ROBO1: variants seen among roughly 807,000 people sequenced by gnomAD.
ROBO1 encodes roundabout guidance receptor 1.
ROBO1 carries 149 observed loss-of-function variants against 195.9 expected under a neutral mutation model. The observed-to-expected ratio is 0.76, with a 90% CI of 0.67 to 0.87. The LOEUF (loss-of-function observed/expected upper bound fraction) is 0.87. ROBO1 is among the 40% of genes least tolerant of loss of function. The pLI is 0.00. For synonymous variants in ROBO1, 816 were observed against 733.2 expected (o/e 1.11, Z -1.82); for missense variants, 1,933 against 2,068.3 (o/e 0.93, Z 1.27).
chr3:79,052,553 C>A (rs1461224161), intron 3 of ROBO1, among the ~76,000 whole-genome samples: 1 of 152,074 alleles, frequency 6.6e-6, no homozygotes, highest in Non-Finnish European at 1.5e-5. Context: ...TTTTGAAACT[C>A]CTAATAGAAA....
At chr3:79,209,658 A>C (rs1166159821) in intron 2 of ROBO1, among the ~76,000 whole-genome samples, 1 of 152,116 alleles carries the variant, frequency 6.6e-6, no homozygotes, top group Non-Finnish European at 1.5e-5. Context: ...CATCCATGCC[A>C]ACATTGTTTT....
chr3:78,705,891 G>C (rs1317179335), intron 8 of ROBO1, among the ~76,000 whole-genome samples: 1 of 151,946 alleles, frequency 6.6e-6, no homozygotes, highest in Admixed American at 6.6e-5. Context: ...GGCAGATGGT[G>C]GGAATTCTTG....
intron 4 of ROBO1, among the ~76,000 whole-genome samples, chr3:78,811,728 T>C (rs185986699): frequency 1.6e-4 from 24 of 152,076 alleles, no homozygotes; most frequent in Non-Finnish European, 2.8e-4. Context: ...GGAACTAGTA[T>C]ACTGTGTCCG....
chr3:79,613,064 C>CA (rs1944713336), intron 1 of ROBO1, among the ~76,000 whole-genome samples: 1 of 151,592 alleles, frequency 6.6e-6, no homozygotes, highest in Non-Finnish European at 1.5e-5. Context: ...AGTATTATAA[C>CA]AAAAAATGCA....
intron 3 of ROBO1, among the ~76,000 whole-genome samples, chr3:79,061,491 G>GA (rs1159558831): frequency 6.6e-6 from 1 of 152,010 alleles, no homozygotes; most frequent in Non-Finnish European, 1.5e-5. Context: ...CACAGAATTG[G>GA]AAAAAACTAC....
At chr3:78,618,950 G>C (rs1303865949) in intron 26 of ROBO1, among the ~76,000 whole-genome samples, 2 of 152,268 alleles carry the variant, frequency 1.3e-5, no homozygotes, top group East Asian at 1.9e-4. Context: ...AGAAGGTATA[G>C]AGCATTTTGA....
intron 4 of ROBO1, among the ~76,000 whole-genome samples, chr3:78,750,946 T>C (rs114265553): frequency 3.9e-5 from 6 of 152,186 alleles, no homozygotes; most frequent in African/African-American, 1.4e-4. Context: ...TTTTTTGTTG[T>C]TTTGCTTGTT....
intron 4 of ROBO1, among the ~76,000 whole-genome samples, chr3:78,891,652 A>T (rs2107370429): frequency 6.6e-6 from 1 of 152,364 alleles, no homozygotes; most frequent in African/African-American, 2.4e-5. Flanking sequence ...ATGTGTTAGC[A>T]ACATATTCAT....
chr3:79,435,922 C>T (rs930874087), intron 2 of ROBO1, among the ~76,000 whole-genome samples: 6 of 152,028 alleles, frequency 3.9e-5, no homozygotes, highest in African/African-American at 2.4e-5. Flanking sequence ...CTTCAATTTT[C>T]CTATAAAAAG....
intron 1 of ROBO1, among the ~76,000 whole-genome samples, chr3:79,716,868 G>GA (rs1702509360): frequency 6.6e-6 from 1 of 151,914 alleles, no homozygotes; most frequent in African/African-American, 2.4e-5. Flanking sequence ...TGATAAGGGT[G>GA]AAAAAATCAG....
chr3:78,678,854 C>T (rs199776925), intron 10 of ROBO1, among the ~76,000 whole-genome samples: 5,589 of 152,058 alleles, frequency 0.037, 285 homozygotes, highest in African/African-American at 0.12. Flanking sequence ...ATACCAAAGC[C>T]GGGCAGAGAC....
At chr3:79,677,669 G>A (rs941473183) in intron 1 of ROBO1, among the ~76,000 whole-genome samples, 38 of 152,102 alleles carry the variant, frequency 2.5e-4, no homozygotes, top group African/African-American at 8.9e-4. Context: ...GCAACTGCAA[G>A]TGGTCTCTGT....
At chr3:79,698,598 T>G (rs773651245) in intron 1 of ROBO1, among the ~76,000 whole-genome samples, 1 of 151,618 alleles carries the variant, frequency 6.6e-6, no homozygotes, top group Non-Finnish European at 1.5e-5. Context: ...AATTTGCCTT[T>G]ATTTCCCTCC....
intron 3 of ROBO1, among the ~76,000 whole-genome samples, chr3:78,947,174 TAATAGAC>T (rs1306279785): frequency 6.6e-6 from 1 of 152,164 alleles, no homozygotes; most frequent in Non-Finnish European, 1.5e-5. Flanking sequence ...CAAGCGGACC[TAATAGAC>T]ATCTACAGAA....
At chr3:79,760,515 A>G (rs1704642123) in intron 1 of ROBO1, among the ~76,000 whole-genome samples, 1 of 145,664 alleles carries the variant, frequency 6.9e-6, no homozygotes. Flanking sequence ...AAAAAAAAAT[A>G]GAATCCAGGA....
In ROBO1 at chr3:78,938,758, G is replaced by A; in HGVS notation, c.342C>T (p.Asp114=). ...GGERVETDKD[D]PRSHRMLLPS... ...GCAGCAACATTCGGTGTGAGCGAGG[G>A]TCATCTTTGTCTGTCTCCACTCTCT... Residue 114 remains aspartate (D), a synonymous_variant, in exon 4 of 31, where the codon GAC becomes GAT. Transcript: ENST00000464233. 4 of 1,613,950 alleles carry A rather than the reference G, an allele frequency of 2.5e-6. No homozygotes were observed. Among genetic ancestry groups the A allele is most frequent in the Non-Finnish European group, 3.4e-6 (4 of 1,179,888 alleles).
chr3:79,656,741 A>T (rs937548905), intron 1 of ROBO1, among the ~76,000 whole-genome samples: 15 of 151,692 alleles, frequency 9.9e-5, no homozygotes, highest in African/African-American at 2.2e-4. Context: ...CTAAAGAATT[A>T]AAAAAAATAG....
intron 3 of ROBO1, among the ~76,000 whole-genome samples, chr3:79,061,443 T>G (rs2078915441): frequency 1.3e-5 from 2 of 152,096 alleles, no homozygotes; most frequent in Admixed American, 6.6e-5. Context: ...AATTTATAGA[T>G]TCAATGCTAT....
intron 3 of ROBO1, 26 bp downstream of exon 3, chr3:79,125,426 AAGTT>A (rs757301222): frequency 1.7e-5 from 27 of 1,572,402 alleles, no homozygotes; most frequent in East Asian, 2.2e-5. Flanking sequence ...TTTCAGGAGG[AAGTT>A]AGTATTTGGG....
Sources: gnomAD v4.1 joint callset for allele counts (sites outside exome capture counted in the v4.1 genomes callset) on GRCh38, gnomAD v4.1.1 for gene constraint, MANE v1.5 for transcripts, NCBI Gene and HGNC (gene_info 2026-07-23, HGNC 2026-07-21) for gene names.